CAMK4: variants seen among roughly 807,000 people sequenced by gnomAD.
CAMK4 encodes calcium/calmodulin dependent protein kinase IV, also known as calcium/calmodulin-dependent protein kinase type IV.
Under a neutral mutation model 44.9 loss-of-function variants are expected in CAMK4, and 22 were observed. The ratio of observed to expected loss-of-function variants is 0.49; its 90% CI spans 0.35 to 0.70. CAMK4 has a LOEUF of 0.70. Ranked by LOEUF, CAMK4 falls within the 30% of genes least tolerant of loss-of-function variation. The probability of loss-of-function intolerance (pLI) is 0.01; values close to 1 mark genes in which losing one functional copy is unlikely to be tolerated. For synonymous variants in CAMK4, 218 were observed against 215.4 expected, an observed-to-expected ratio of 1.01 and a Z score of -0.11; for missense variants, 498 against 586.8, an observed-to-expected ratio of 0.85 and a Z score of 1.56.
chr5:111,421,193 A>G (rs563040576), intron 5 of CAMK4, among the ~76,000 whole-genome samples: 2 of 152,306 alleles, frequency 1.3e-5, no homozygotes, highest in South Asian at 2.1e-4. Context: ...GGGGTCCCTG[A>G]CTTCCCGCAA....
At chr5:111,309,239 G>A (rs1038915783) in intron 1 of CAMK4, among the ~76,000 whole-genome samples, 4 of 152,188 alleles carry the variant, frequency 2.6e-5, no homozygotes, top group Admixed American at 6.5e-5. Context: ...CAAACCAAAT[G>A]CCTCCTGAAG....
chr5:111,298,602 A>C (rs1389470356), intron 1 of CAMK4, among the ~76,000 whole-genome samples: 1 of 152,214 alleles, frequency 6.6e-6, no homozygotes, highest in African/African-American at 2.4e-5. Flanking sequence ...TGGTTTGTGC[A>C]GGTGCGACTA....
chr5:111,443,309 C>CTATATATATAT (rs1356568258), intron 5 of CAMK4, among the ~76,000 whole-genome samples: 1 of 128,678 alleles, frequency 7.8e-6, no homozygotes, highest in South Asian at 2.4e-4. Context: ...CACACACACA[C>CTATATATATAT]ACACACTATA....
intron 5 of CAMK4, among the ~76,000 whole-genome samples, chr5:111,423,978 A>C (rs1753122474): frequency 6.6e-6 from 1 of 152,224 alleles, no homozygotes; most frequent in Admixed American, 6.5e-5. Flanking sequence ...AGAGAGGTTA[A>C]GTAACTTTTC....
At chr5:111,286,932 T>C (rs528511950) in intron 1 of CAMK4, among the ~76,000 whole-genome samples, 14 of 152,322 alleles carry the variant, frequency 9.2e-5, no homozygotes, top group South Asian at 4.1e-4. Flanking sequence ...TTGATGGTTA[T>C]TGTTTTTGTA....
chr5:111,483,967 G>C (rs1755519757), intron 10 of CAMK4, 59 bp from the exon 11 acceptor site: 7 of 1,300,206 alleles, frequency 5.4e-6, no homozygotes, highest in South Asian at 5.0e-5. Flanking sequence ...CTGGGGTTGA[G>C]CTCTGATGTG....
rs1040696419 is a variant in CAMK4, at chr5:111,487,131, G to C, written c.*2665G>C. On this transcript the variant is annotated 3_prime_UTR_variant, in exon 11 of 11. Transcript: ENST00000282356. ...TCAAAGATTACTTAGCTAAATAATA[G>C]TAGACAAATGGAGATTTAATTTCAC... is the stretch of plus-strand genomic sequence containing the variant. The C allele has an allele frequency of 6.6e-6, 1 of 152,162 alleles. No homozygotes were observed. The highest frequency in any genetic ancestry group is 1.5e-5 in the Non-Finnish European group (1 of 68,038). 9.4% of individuals were successfully genotyped at this position (152,162 alleles called of 1,614,324 possible).
intron 1 of CAMK4, among the ~76,000 whole-genome samples, chr5:111,337,383 A>G (rs964107617): frequency 8.6e-5 from 13 of 151,168 alleles, no homozygotes; most frequent in Non-Finnish European, 1.6e-4. Context: ...AGTGACATAC[A>G]TAGGTCATAT....
chr5:111,269,679 C>T (rs184674753), intron 1 of CAMK4, among the ~76,000 whole-genome samples: 151 of 152,270 alleles, frequency 9.9e-4, no homozygotes, highest in African/African-American at 3.5e-3. Flanking sequence ...CACCTTCTCT[C>T]GTCCCTGGGA....
chr5:111,390,729 C>T (rs576572018), intron 4 of CAMK4, among the ~76,000 whole-genome samples: 1 of 152,236 alleles, frequency 6.6e-6, no homozygotes, highest in East Asian at 1.9e-4. Context: ...TCCAAAAGCT[C>T]TTCATAAGAC....
chr5:111,431,884 AAAAGGG>A (rs1753456129), intron 5 of CAMK4, among the ~76,000 whole-genome samples: 7 of 152,198 alleles, frequency 4.6e-5, no homozygotes, highest in Admixed American at 4.6e-4. Context: ...GGATGTAGAG[AAAAGGG>A]AACCCTTGTA....
chr5:111,372,501 G>A (rs441470), intron 2 of CAMK4, among the ~76,000 whole-genome samples: 133,655 of 152,102 alleles, frequency 0.88, 58,935 homozygotes, highest in East Asian at 1. Flanking sequence ...GTTTCATGCC[G>A]TTTGGAAAGG....
intron 2 of CAMK4, among the ~76,000 whole-genome samples, chr5:111,361,160 A>G (rs150902940): frequency 1.4e-3 from 211 of 152,164 alleles, no homozygotes; most frequent in Admixed American, 3.7e-3. Flanking sequence ...TATTTTTTCC[A>G]TTGAACCCTA....
intron 1 of CAMK4, among the ~76,000 whole-genome samples, chr5:111,326,474 T>C (rs931344683): frequency 2.6e-5 from 4 of 151,974 alleles, no homozygotes; most frequent in Non-Finnish European, 5.9e-5. Flanking sequence ...AAAAGAAGAC[T>C]CCAGAGCCCA....
chr5:111,445,966 G>A (rs1002360185), intron 5 of CAMK4, among the ~76,000 whole-genome samples: 1 of 152,288 alleles, frequency 6.6e-6, no homozygotes, highest in East Asian at 1.9e-4. Context: ...CTGGGGGAAG[G>A]GAAATCAGGT....
At chr5:111,403,437 C>T (rs908654253) in intron 5 of CAMK4, among the ~76,000 whole-genome samples, 7 of 152,084 alleles carry the variant, frequency 4.6e-5, no homozygotes, top group African/African-American at 1.7e-4. Flanking sequence ...TTTCTTGCTG[C>T]TCAGGTTTGA....
chr5:111,425,786 A>G (rs1008405626), intron 5 of CAMK4, among the ~76,000 whole-genome samples: 17 of 152,346 alleles, frequency 1.1e-4, no homozygotes, highest in African/African-American at 3.6e-4. Flanking sequence ...TGAACAATGT[A>G]TTAAGATGCA....
chr5:111,436,689 C>T (rs2112951480), intron 5 of CAMK4, among the ~76,000 whole-genome samples: 1 of 152,320 alleles, frequency 6.6e-6, no homozygotes, highest in East Asian at 1.9e-4. Flanking sequence ...CCACTTCTCC[C>T]TAGTGTATTA....
chr5:111,478,455 A>T lies in CAMK4; in HGVS notation c.776A>T (p.Tyr259Phe). 6.4e-7 allele frequency: 1 copy of T among 1,562,788 alleles called. No individual in the cohort carries two copies. The highest frequency in any genetic ancestry group is 1.1e-5 in the South Asian group (1 of 89,032). The change falls in exon 9 of 11, where the codon TAT becomes TTT. Residue 259 changes from tyrosine to phenylalanine, a missense_variant. Tyr to Phe is a conservative substitution (Grantham distance 22). Coordinates refer to ENST00000282356, the MANE Select transcript of CAMK4 (RefSeq NM_001744.6). ...FMFRRILNCE[Y>F]YFISPWWDEV... Reference sequence around the variant, plus strand: ...TTCAGGAGAATTCTGAATTGTGAATATTACTTTATCTCCCCCTGGTGGGAT... The same window carrying T: ...TTCAGGAGAATTCTGAATTGTGAATTTTACTTTATCTCCCCCTGGTGGGAT...
Sources: gnomAD v4.1 joint callset for allele counts (sites outside exome capture counted in the v4.1 genomes callset) on GRCh38, gnomAD v4.1.1 for gene constraint, MANE v1.5 for transcripts, NCBI Gene and HGNC (gene_info 2026-07-23, HGNC 2026-07-21) for gene names.